TBCK: variants seen among roughly 807,000 people sequenced by gnomAD.
TBCK encodes the protein TBC domain-containing protein kinase-like protein.
In TBCK, 99 loss-of-function variants were observed where a neutral mutation model predicts 113.4. The observed-to-expected ratio is 0.87, with a 90% CI of 0.74 to 1.03. TBCK has a LOEUF of 1.03. Among genes scored for constraint, TBCK ranks in the 50% least tolerant of loss-of-function variants. The probability of loss-of-function intolerance (pLI) is 0.00; values close to 1 mark genes in which losing one functional copy is unlikely to be tolerated. For synonymous variants in TBCK, 369 were observed against 370.8 expected (o/e 1.00, Z 0.05); for missense variants, 1,045 against 1,061.3 (o/e 0.98, Z 0.21).
At chr4:106,144,585 A>C (rs1747539557) in intron 23 of TBCK, among the ~76,000 whole-genome samples, 1 of 152,216 alleles carries the variant, frequency 6.6e-6, no homozygotes, top group East Asian at 1.9e-4. Flanking sequence ...ATAAAACTTA[A>C]GTCAAAATTC....
chr4:106,210,659 C>A (rs924179400), intron 20 of TBCK, among the ~76,000 whole-genome samples: 7 of 151,968 alleles, frequency 4.6e-5, no homozygotes, highest in Admixed American at 2.6e-4. Flanking sequence ...TTAGCCCTTC[C>A]CAAAGTGGAT....
chr4:106,154,490 T>C (rs1434284626), intron 23 of TBCK, among the ~76,000 whole-genome samples: 1 of 152,198 alleles, frequency 6.6e-6, no homozygotes, highest in Non-Finnish European at 1.5e-5. Context: ...TGTCAAATTG[T>C]AATTCTCAAT....
At chr4:106,174,348 T>C (rs7673101) in intron 22 of TBCK, among the ~76,000 whole-genome samples, 61,242 of 151,892 alleles carry the variant, frequency 0.4, 12,670 homozygotes, top group African/African-American at 0.48. Flanking sequence ...AAACCTTCAA[T>C]GAATATCATT....
chr4:106,158,644 A>G (rs1749395507), intron 23 of TBCK, among the ~76,000 whole-genome samples: 1 of 152,164 alleles, frequency 6.6e-6, no homozygotes, highest in Admixed American at 6.5e-5. Context: ...TAGCAGGGAA[A>G]TTGAATCAGT....
intron 24 of TBCK, among the ~76,000 whole-genome samples, chr4:106,113,887 A>T (rs973469259): frequency 3.3e-5 from 5 of 152,144 alleles, no homozygotes; most frequent in Non-Finnish European, 7.4e-5. Flanking sequence ...TTATTTAAAC[A>T]AACACCCCCT....
At chr4:106,062,516 C>T (rs534593481) in intron 25 of TBCK, among the ~76,000 whole-genome samples, 3 of 152,002 alleles carry the variant, frequency 2.0e-5, no homozygotes, top group Admixed American at 6.6e-5. Context: ...ACACAAAGTA[C>T]GCTATGCCCT....
intron 20 of TBCK, among the ~76,000 whole-genome samples, 185 bp from the exon 21 acceptor site, chr4:106,194,939 G>A (rs962449738): frequency 6.6e-6 from 1 of 151,996 alleles, no homozygotes; most frequent in East Asian, 1.9e-4. Flanking sequence ...TTTTAAGTTC[G>A]GCCTAAAGAT....
At chr4:106,207,600 C>G (rs866738476) in intron 20 of TBCK, among the ~76,000 whole-genome samples, 4 of 152,200 alleles carry the variant, frequency 2.6e-5, no homozygotes, top group Middle Eastern at 6.8e-3. Flanking sequence ...TTTTAAAAGT[C>G]CTCCATTTCA....
intron 3 of TBCK, among the ~76,000 whole-genome samples, chr4:106,268,080 C>G (rs1763148745): frequency 6.6e-6 from 1 of 152,052 alleles, no homozygotes; most frequent in Non-Finnish European, 1.5e-5. Flanking sequence ...TGAGGACCCA[C>G]TCTTTAAGCT....
At chr4:106,071,144 T>C (rs961287194) in intron 25 of TBCK, among the ~76,000 whole-genome samples, 2 of 152,226 alleles carry the variant, frequency 1.3e-5, no homozygotes, top group Non-Finnish European at 2.9e-5. Flanking sequence ...TGCTAGCTTT[T>C]GAATTTGTTT....
chr4:106,046,399 A>G lies in TBCK; in HGVS notation c.*171T>C. ...ATACATGTAGAGTCAAGTTTCTTGC[A>G]TGGATAACTGAACATGTGGGTTATG... On this transcript the variant is annotated 3_prime_UTR_variant, in exon 26 of 26. Coordinates refer to ENST00000394708, the MANE Select transcript of TBCK (RefSeq NM_001163435.3). 1 of 487,592 alleles carries G rather than the reference A, an allele frequency of 2.1e-6. No homozygotes were observed. Among genetic ancestry groups the G allele is most frequent in the South Asian group, 3.5e-5 (1 of 28,604 alleles). 30.2% of individuals were successfully genotyped at this position (487,592 alleles called of 1,614,324 possible).
intron 22 of TBCK, among the ~76,000 whole-genome samples, chr4:106,179,180 C>A (rs1454523835): frequency 6.6e-6 from 1 of 151,926 alleles, no homozygotes; most frequent in Non-Finnish European, 1.5e-5. Flanking sequence ...TTTTGCTAAT[C>A]TTTTCAAAAA....
chr4:106,079,344 A>G (rs540020206), intron 25 of TBCK, among the ~76,000 whole-genome samples: 4 of 152,326 alleles, frequency 2.6e-5, no homozygotes, highest in Admixed American at 6.5e-5. Flanking sequence ...CAAGAGAAAG[A>G]AAGAAAAGAG....
intron 23 of TBCK, among the ~76,000 whole-genome samples, chr4:106,151,283 C>T (rs1748453629): frequency 6.6e-6 from 1 of 151,894 alleles, no homozygotes; most frequent in African/African-American, 2.4e-5. Context: ...CCAGCAAATA[C>T]TAGGTCTTAT....
At chr4:106,180,062 T>C (rs1471996951) in intron 22 of TBCK, among the ~76,000 whole-genome samples, 2 of 151,508 alleles carry the variant, frequency 1.3e-5, no homozygotes, top group African/African-American at 4.8e-5. Flanking sequence ...TTGCTTCAGC[T>C]CTCTCTATAG....
At chr4:106,062,986 A>G (rs913177760) in intron 25 of TBCK, among the ~76,000 whole-genome samples, 1 of 151,966 alleles carries the variant, frequency 6.6e-6, no homozygotes, top group Non-Finnish European at 1.5e-5. Flanking sequence ...ATGAAAAGCT[A>G]TAAGAATAAG....
chr4:106,216,806 C>T lies in TBCK; in HGVS notation c.1775-3971G>A, dbSNP rs754400968. Among the ~76,000 whole-genome samples, 947 of 150,928 alleles carry T rather than the reference C, an allele frequency of 6.3e-3. 6 individuals carry two copies. Among genetic ancestry groups the T allele is most frequent in the Admixed American group, 0.013 (204 of 15,176 alleles). ...CAGAGGTACAAGGAGGAACTGGTAC[C>T]ATTCCTTCTGAAACTATTCCAATCA... On this transcript the variant is annotated intron_variant, in intron 19 of 25. Coordinates refer to ENST00000394708, the MANE Select transcript of TBCK (RefSeq NM_001163435.3).
rs182192658 is a variant in TBCK, at chr4:106,070,309, C to T, written c.2572-23629G>A. On this transcript the variant is annotated intron_variant, in intron 25 of 25. Transcript: ENST00000394708. ...AAATAGCTCTTATTATTTTGAGATA[C>T]GTTCCATCAATACCTAGTTTACTGA... Among the ~76,000 whole-genome samples the T allele has an allele frequency of 2.9e-3, 448 of 152,218 alleles. 3 individuals carry two copies. Among genetic ancestry groups the T allele is most frequent in the African/African-American group, 0.01 (421 of 41,534 alleles).
At position 106,268,289 on chromosome 4, in the gene TBCK, A is replaced by G. The variant is rs76943334; in HGVS notation, c.267-6077T>C. Among the ~76,000 whole-genome samples the G allele has an allele frequency of 6.0e-3, 912 of 152,114 alleles. 7 individuals are homozygous for G. Among genetic ancestry groups the G allele is most frequent in the African/African-American group, 0.021 (866 of 41,524 alleles). On this transcript the variant is annotated intron_variant, in intron 3 of 25. Transcript: ENST00000394708. Reference sequence around the variant, plus strand: ...TCCCTTTCTTGATTTCCGACAGTACACAGTTGAGGGTTTCTAGATTTTATG... The same window carrying G: ...TCCCTTTCTTGATTTCCGACAGTACGCAGTTGAGGGTTTCTAGATTTTATG...
Sources: gnomAD v4.1 joint callset for allele counts (sites outside exome capture counted in the v4.1 genomes callset) on GRCh38, gnomAD v4.1.1 for gene constraint, MANE v1.5 for transcripts, NCBI Gene and HGNC (gene_info 2026-07-23, HGNC 2026-07-21) for gene names.